Variants in MRTFB observed in about 807,000 individuals in gnomAD.
The protein encoded by MRTFB is myocardin-related transcription factor B.
In MRTFB, 29 loss-of-function variants were observed where a neutral mutation model predicts 104.2. That is an observed-to-expected ratio of 0.28 (90% CI 0.21 to 0.38). The LOEUF (loss-of-function observed/expected upper bound fraction) is 0.38. Among genes scored for constraint, MRTFB ranks in the 10% least tolerant of loss-of-function variants. The probability of loss-of-function intolerance (pLI) is 1.00; values close to 1 mark genes in which losing one functional copy is unlikely to be tolerated. For missense variants in MRTFB, 1,270 were observed against 1,341.6 expected, an observed-to-expected ratio of 0.95 and a Z score of 0.83; for synonymous variants, 535 against 519.5, an observed-to-expected ratio of 1.03 and a Z score of -0.41.
At chr16:14,060,159 A>C in the MRTFB span, among the ~76,000 whole-genome samples, 1 of 151,898 alleles carries the variant, frequency 6.6e-6, no homozygotes, top group Non-Finnish European at 1.5e-5. Context: ...GGAGCCCGCC[A>C]CCATGCCCAG....
At chr16:14,197,294 G>A (rs1193557495) in intron 3 of MRTFB, among the ~76,000 whole-genome samples, 2 of 152,056 alleles carry the variant, frequency 1.3e-5, no homozygotes, top group African/African-American at 4.8e-5. Flanking sequence ...CTTCTTTAAT[G>A]CAGCTTGAAT....
chr16:14,084,225 T>C (rs1189446032), intron 2 of MRTFB, among the ~76,000 whole-genome samples: 1 of 152,226 alleles, frequency 6.6e-6, no homozygotes, highest in Non-Finnish European at 1.5e-5. Flanking sequence ...TGTTTTTTAT[T>C]CACTTATAGT....
At position 14,188,206 on chromosome 16, in the gene MRTFB, G is replaced by A. The variant is rs144632007; in HGVS notation, c.155-22037G>A. 8.6e-4 allele frequency among the ~76,000 whole-genome samples: 131 copies of A among 152,126 alleles called. 1 individual carries two copies. The East Asian group carries it at 0.022, about 26-fold the overall frequency. ...CTTGTGCACGGCATGTCTTACTGCC[G>A]GTTTTTATAAAAATCGATACCAGTG... On this transcript the variant is annotated intron_variant, in intron 3 of 16. Coordinates refer to ENST00000571589, the MANE Select transcript of MRTFB (RefSeq NM_001308142.2).
the MRTFB span, among the ~76,000 whole-genome samples, chr16:14,021,920 C>G: frequency 6.6e-6 from 1 of 152,036 alleles, no homozygotes; most frequent in African/African-American, 2.4e-5. Flanking sequence ...ACTTATTTCC[C>G]GCCGGGTAGA....
chr16:14,066,263 T>A, the MRTFB span, among the ~76,000 whole-genome samples: 37 of 151,266 alleles, frequency 2.4e-4, no homozygotes, highest in African/African-American at 4.8e-4. Flanking sequence ...TTGATTTTTT[T>A]ATTTATTTTA....
intron 2 of MRTFB, among the ~76,000 whole-genome samples, chr16:14,127,408 A>C (rs2037165544): frequency 6.6e-6 from 1 of 152,076 alleles, no homozygotes; most frequent in South Asian, 2.1e-4. Flanking sequence ...GTCTTACACC[A>C]GAGGCGGGTG....
At chr16:14,027,992 T>C in the MRTFB span, among the ~76,000 whole-genome samples, 1 of 152,056 alleles carries the variant, frequency 6.6e-6, no homozygotes, top group Non-Finnish European at 1.5e-5. Flanking sequence ...GCCTGGCCAA[T>C]GTGGCGAAAT....
intron 2 of MRTFB, among the ~76,000 whole-genome samples, chr16:14,092,467 CTT>C (rs1279345427): frequency 6.6e-6 from 1 of 152,140 alleles, no homozygotes; most frequent in Non-Finnish European, 1.5e-5. Flanking sequence ...CTTTATAAAA[CTT>C]CAGATGTTGT....
At chr16:14,143,291 A>G (rs1249439464) in intron 3 of MRTFB, 2 of 151,936 alleles carry the variant, frequency 1.3e-5, no homozygotes, top group Admixed American at 1.3e-4. Flanking sequence ...AAAATAACTT[A>G]AAACTTAACC....
intron 3 of MRTFB, among the ~76,000 whole-genome samples, chr16:14,203,152 T>C (rs886988490): frequency 1.8e-4 from 27 of 152,152 alleles, no homozygotes; most frequent in African/African-American, 6.3e-4. Flanking sequence ...GGCTTTTTTT[T>C]TTCACTCCTC....
At chr16:14,042,112 G>A in the MRTFB span, among the ~76,000 whole-genome samples, 2 of 151,230 alleles carry the variant, frequency 1.3e-5, no homozygotes, top group Non-Finnish European at 2.9e-5. Context: ...TCACCAACAC[G>A]TGTTATTTTC....
Position 14,248,911 on chromosome 16 carries a change from C to T in MRTFB, c.2248-15C>T. Reference sequence around the variant, plus strand: ...CTGACAATTAAATTGATGTTTTTTTCAATTCACCTCCTAGACTTCACCACA... The same window carrying T: ...CTGACAATTAAATTGATGTTTTTTTTAATTCACCTCCTAGACTTCACCACA... On this transcript the variant is annotated splice_polypyrimidine_tract_variant and intron_variant, in intron 12 of 16. Coordinates refer to ENST00000571589, the MANE Select transcript of MRTFB (RefSeq NM_001308142.2). The T allele has an allele frequency of 6.2e-7, 1 of 1,601,936 alleles. No individual in the cohort carries two copies. The highest frequency in any genetic ancestry group is 1.8e-5 in the Admixed American group (1 of 56,808).
chr16:14,052,106 A>G, the MRTFB span, among the ~76,000 whole-genome samples: 1 of 151,852 alleles, frequency 6.6e-6, no homozygotes, highest in Non-Finnish European at 1.5e-5. Context: ...AAGTGGTCAT[A>G]CTTTGTTTTG....
At chr16:14,237,042 T>C (rs2042547679) in intron 9 of MRTFB, among the ~76,000 whole-genome samples, 1 of 152,126 alleles carries the variant, frequency 6.6e-6, no homozygotes, top group Non-Finnish European at 1.5e-5. Context: ...CGTCCTGTAA[T>C]GGAAAGGAGT....
the MRTFB span, among the ~76,000 whole-genome samples, chr16:14,045,769 T>C: frequency 6.5e-4 from 99 of 152,326 alleles, 1 homozygote; most frequent in African/African-American, 2.3e-3. Flanking sequence ...AAATAGTACC[T>C]CTGTGTCCAT....
chr16:14,102,047 A>G (rs1038527826), intron 2 of MRTFB, among the ~76,000 whole-genome samples: 1 of 152,136 alleles, frequency 6.6e-6, no homozygotes, highest in Admixed American at 6.5e-5. Flanking sequence ...GGAAGAAACA[A>G]AAGGAGAAAA....
At chr16:14,017,255 A>C in the MRTFB span, among the ~76,000 whole-genome samples, 1 of 151,468 alleles carries the variant, frequency 6.6e-6, no homozygotes, top group African/African-American at 2.4e-5. Context: ...ACGGGGTTTC[A>C]CCATGTTAGC....
At chr16:14,184,630 A>G (rs921268982) in intron 3 of MRTFB, among the ~76,000 whole-genome samples, 1 of 152,132 alleles carries the variant, frequency 6.6e-6, no homozygotes. Context: ...TGCTATTATT[A>G]TTTCATGAGT....
Position 14,079,277 on chromosome 16 carries a change from T to C in MRTFB, c.-128-13T>C, listed in dbSNP as rs1035336451. The C allele has an allele frequency of 3.8e-5, 13 of 338,620 alleles. No homozygotes were observed. The highest frequency in any genetic ancestry group is 6.5e-5 in the Non-Finnish European group (12 of 185,710). The allele number at this position is 338,620 out of a possible 1,614,324, so 21.0% of individuals were successfully genotyped here. On this transcript the variant is annotated splice_polypyrimidine_tract_variant and intron_variant, in intron 1 of 16. Transcript: ENST00000571589. ...TGCTCAATAAAAAGTAATTTCTGCC[T>C]TTTTTTTTCCAGGTTCACAATAAAG...
Sources: gnomAD v4.1 joint callset for allele counts (sites outside exome capture counted in the v4.1 genomes callset) on GRCh38, gnomAD v4.1.1 for gene constraint, MANE v1.5 for transcripts, NCBI Gene and HGNC (gene_info 2026-07-23, HGNC 2026-07-21) for gene names.